Variants in CASK observed in about 807,000 individuals in gnomAD.
CASK encodes calcium/calmodulin dependent serine protein kinase.
In CASK, 4 loss-of-function variants were observed where a neutral mutation model predicts 82.9. That is an observed-to-expected ratio of 0.05 (90% CI 0.02 to 0.11). The LOEUF (loss-of-function observed/expected upper bound fraction) is 0.11. Among genes scored for constraint, CASK ranks in the 10% least tolerant of loss-of-function variants. The probability of loss-of-function intolerance (pLI) is 1.00; values close to 1 mark genes in which losing one functional copy is unlikely to be tolerated. For missense variants in CASK, 358 were observed against 720.9 expected (o/e 0.50, Z 5.76); for synonymous variants, 259 against 253.5 (o/e 1.02, Z -0.20).
chrX:41,555,049 A>G (rs1602255200), intron 20 of CASK, among the ~76,000 whole-genome samples: 1 of 112,743 alleles, frequency 8.9e-6, no homozygotes, highest in African/African-American at 3.2e-5. Flanking sequence ...TGGCAATTTG[A>G]AAGTTACTTG....
At chrX:41,724,804 A>G (rs1238876606) in intron 5 of CASK, among the ~76,000 whole-genome samples, 1 of 111,876 alleles carries the variant, frequency 8.9e-6, no homozygotes, top group Non-Finnish European at 1.9e-5. Context: ...GTTTGGAAGC[A>G]TTTAATATTC....
At chrX:41,605,759 AC>A (rs1415658644) in intron 12 of CASK, among the ~76,000 whole-genome samples, 1 of 111,546 alleles carries the variant, frequency 9.0e-6, no homozygotes, top group Non-Finnish European at 1.9e-5. Context: ...GCTCACTGCT[AC>A]GTCCACCTCC....
chrX:41,758,903 T>C (rs182782603), intron 3 of CASK, among the ~76,000 whole-genome samples: 36 of 112,286 alleles, frequency 3.2e-4, no homozygotes, highest in Non-Finnish European at 1.5e-4. Flanking sequence ...TTACCAATTG[T>C]AGTTCTTTTG....
chrX:41,801,665 C>A (rs2070000097), intron 2 of CASK, among the ~76,000 whole-genome samples: 1 of 111,479 alleles, frequency 9.0e-6, no homozygotes, highest in South Asian at 3.8e-4. Context: ...CATGGTGGAG[C>A]AGATAACAGG....
intron 8 of CASK, among the ~76,000 whole-genome samples, chrX:41,637,771 G>A (rs1026825491): frequency 1.8e-5 from 2 of 110,260 alleles, no homozygotes; most frequent in Admixed American, 1.9e-4. Flanking sequence ...AGCCTCCTGA[G>A]TAGCTGGGAC....
chrX:41,719,593 G>C (rs993345797), intron 5 of CASK, among the ~76,000 whole-genome samples: 1 of 111,947 alleles, frequency 8.9e-6, no homozygotes, highest in East Asian at 2.8e-4. Context: ...CCTGCAGAAA[G>C]GGTACACTCG....
At chrX:41,675,183 C>T (rs1156895130) in intron 5 of CASK, among the ~76,000 whole-genome samples, 1 of 112,208 alleles carries the variant, frequency 8.9e-6, no homozygotes, top group Non-Finnish European at 1.9e-5. Context: ...CTGCCCTTAT[C>T]CAGAGTAAAA....
rs1431091605 is a variant in CASK, at chrX:41,893,743, G to T, written c.59+29187C>A. Among the ~76,000 whole-genome samples the T allele has an allele frequency of 1.2e-4, 13 of 112,067 alleles. No homozygotes were observed. The East Asian group carries it at 3.6e-3, about 31-fold the overall frequency. On this transcript the variant is annotated intron_variant, in intron 1 of 26. Coordinates refer to ENST00000378163, the MANE Select transcript of CASK (RefSeq NM_001367721.1). ...GTGGCCAACCATTGGATGACCAAGGGGAAAACCCTAGGAAGCCAGGCTTAA... is the reference window on the plus strand; with the variant it reads ...GTGGCCAACCATTGGATGACCAAGGTGAAAACCCTAGGAAGCCAGGCTTAA...
chrX:41,736,872 G>A (rs2068508342), intron 5 of CASK, among the ~76,000 whole-genome samples: 1 of 111,588 alleles, frequency 9.0e-6, no homozygotes, highest in African/African-American at 3.3e-5. Context: ...AAACTTCTCT[G>A]ACCTCATCTT....
At chrX:41,598,508 C>T (rs1470408613) in intron 12 of CASK, among the ~76,000 whole-genome samples, 4 of 110,670 alleles carry the variant, frequency 3.6e-5, no homozygotes, top group African/African-American at 9.8e-5. Flanking sequence ...CGCACCACCA[C>T]TCCCGGCTAA....
intron 3 of CASK, among the ~76,000 whole-genome samples, chrX:41,762,980 G>C (rs2069031737): frequency 1.8e-5 from 2 of 111,187 alleles, no homozygotes; most frequent in Admixed American, 1.9e-4. Context: ...TTTGCCACTG[G>C]ATGAAACAGA....
chrX:41,800,603 T>G (rs1486626711), intron 2 of CASK, among the ~76,000 whole-genome samples: 2 of 109,798 alleles, frequency 1.8e-5, no homozygotes, highest in East Asian at 5.8e-4. Flanking sequence ...CTGCACCCAT[T>G]AACTCGTCAT....
chrX:41,903,809 A>G (rs774509776), intron 1 of CASK, among the ~76,000 whole-genome samples: 3 of 112,099 alleles, frequency 2.7e-5, no homozygotes, highest in Non-Finnish European at 5.6e-5. Context: ...CACTAGCCAC[A>G]TGTAGCTACT....
intron 1 of CASK, among the ~76,000 whole-genome samples, chrX:41,891,621 C>T (rs2072172470): frequency 9.0e-6 from 1 of 111,241 alleles, no homozygotes; most frequent in African/African-American, 3.3e-5. Flanking sequence ...TTTAGCAGAC[C>T]AGTTGTAATA....
chrX:41,902,441 T>C (rs2072400532), intron 1 of CASK, among the ~76,000 whole-genome samples: 1 of 111,442 alleles, frequency 9.0e-6, no homozygotes. Context: ...TCCATTGTCG[T>C]GTCTCCTTTT....
chrX:41,743,737 C>T (rs1489095945), intron 4 of CASK: 4 of 295,308 alleles, frequency 1.4e-5, no homozygotes, highest in East Asian at 9.5e-5. Context: ...GTCTAAGATG[C>T]TATAATTGTA....
intron 5 of CASK, among the ~76,000 whole-genome samples, chrX:41,680,767 T>C (rs1390930359): frequency 2.7e-5 from 3 of 109,634 alleles, no homozygotes. Flanking sequence ...AATACAAAAT[T>C]AGCTGGGTGT....
intron 8 of CASK, among the ~76,000 whole-genome samples, chrX:41,648,794 C>T (rs1379467272): frequency 9.0e-6 from 1 of 111,728 alleles, no homozygotes; most frequent in Non-Finnish European, 1.9e-5. Flanking sequence ...AGGATTCCCT[C>T]TTTTTCTATT....
chrX:41,725,115 A>AC (rs2068236316), intron 5 of CASK, among the ~76,000 whole-genome samples: 1 of 111,900 alleles, frequency 8.9e-6, no homozygotes, highest in African/African-American at 3.2e-5. Context: ...ACTTACAATG[A>AC]AGCATATGGA....
Sources: allele counts gnomAD v4.1 joint callset (sites outside exome capture counted in the v4.1 genomes callset), GRCh38; gene constraint gnomAD v4.1.1; transcripts MANE v1.5; gene names NCBI Gene and HGNC (gene_info 2026-07-23, HGNC 2026-07-21).